Variants in DNAH14 observed in about 807,000 individuals in gnomAD.
DNAH14 encodes axonemal beta dynein heavy chain 14.
DNAH14 carries 478 observed loss-of-function variants against 520.9 expected under a neutral mutation model. The ratio of observed to expected loss-of-function variants is 0.92; its 90% CI spans 0.85 to 0.99. The LOEUF is 0.99. DNAH14 is among the 50% of genes least tolerant of loss of function. DNAH14 has a pLI of 0.00. For missense variants in DNAH14, 4,831 were observed against 5,234.5 expected (o/e 0.92, Z 2.38); for synonymous variants, 1,581 against 1,757.2 (o/e 0.90, Z 2.51).
chr1:225,274,221 T>C (rs2093402023), intron 52 of DNAH14, among the ~76,000 whole-genome samples: 2 of 140,370 alleles, frequency 1.4e-5, no homozygotes, highest in African/African-American at 5.7e-5. Flanking sequence ...TTTTTTTTTT[T>C]TGAGACGGAG....
At chr1:225,271,268 A>G (rs2093308523) in intron 50 of DNAH14, among the ~76,000 whole-genome samples, 1 of 152,226 alleles carries the variant, frequency 6.6e-6, no homozygotes, top group Non-Finnish European at 1.5e-5. Flanking sequence ...CAGTTGGCAT[A>G]CAGGTAGACT....
Position 225,252,309 on chromosome 1 carries a change from C to A in DNAH14, c.6757C>A (p.Leu2253Ile), listed in dbSNP as rs376690622. The stretch of plus-strand genomic sequence containing the variant: ...ATTATTTTCGGTTGTAGGCATCAAC[C>A]TACCAACTGGTGAATGTTCCATCTT... ...FGNSSQVGIN[L>I]PTGECSIFGY... is the part of the protein sequence containing the mutation. The change falls in exon 44 of 86, where the codon CTA becomes ATA. Residue 2253 changes from leucine to isoleucine, a missense_variant. Leu to Ile is a conservative substitution (Grantham distance 5). Coordinates refer to ENST00000682510, the MANE Select transcript of DNAH14 (RefSeq NM_001367479.1). 1.4e-4 allele frequency: 219 copies of A among 1,544,770 alleles called. 1 individual carries two copies. In the African/African-American group the frequency reaches 2.6e-3, roughly 19 times the overall value.
At chr1:225,126,485 T>A (rs111901604) in intron 27 of DNAH14, among the ~76,000 whole-genome samples, 11,104 of 152,258 alleles carry the variant, frequency 0.073, 633 homozygotes, top group East Asian at 0.24. Context: ...ATTTTCTAGT[T>A]TATTTGCATA....
At chr1:225,004,258 AGT>A (rs1177063349) in intron 9 of DNAH14, among the ~76,000 whole-genome samples, 1 of 152,180 alleles carries the variant, frequency 6.6e-6, no homozygotes, top group African/African-American at 2.4e-5. Flanking sequence ...TTCTAGAGAT[AGT>A]TTCTTTGTTA....
intron 80 of DNAH14, 30 bp downstream of exon 80, chr1:225,380,352 T>C (rs1558581967): frequency 2.5e-5 from 38 of 1,533,798 alleles, no homozygotes; most frequent in Non-Finnish European, 3.1e-5. Flanking sequence ...TTTTTCCCCT[T>C]ACCTCACTCT....
chr1:225,129,257 G>A (rs1316406007), intron 27 of DNAH14, among the ~76,000 whole-genome samples: 1 of 152,044 alleles, frequency 6.6e-6, no homozygotes, highest in Non-Finnish European at 1.5e-5. Flanking sequence ...GTAATTTATA[G>A]ATTCAATGCC....
chr1:225,194,413 G>GA (rs2085857130), intron 38 of DNAH14, among the ~76,000 whole-genome samples: 1 of 151,732 alleles, frequency 6.6e-6, no homozygotes, highest in African/African-American at 2.4e-5. Context: ...GCCAAAGTTT[G>GA]AAAAAATAAG....
At chr1:225,152,139 A>T in intron 32 of DNAH14, 66 bp downstream of exon 32, 2 of 1,377,786 alleles carry the variant, frequency 1.5e-6, no homozygotes, top group Non-Finnish European at 2.0e-6. Context: ...TCTTATCTAC[A>T]GATGGAGTTG....
intron 10 of DNAH14, among the ~76,000 whole-genome samples, chr1:225,014,442 T>C (rs1215298109): frequency 1.3e-5 from 2 of 152,132 alleles, no homozygotes; most frequent in African/African-American, 4.8e-5. Context: ...ATGTAGGCAC[T>C]TATTGCTATA....
chr1:225,080,804 GGAC>G, intron 19 of DNAH14, 56 bp downstream of exon 19: 1 of 1,454,644 alleles, frequency 6.9e-7, no homozygotes. Context: ...AATGGCCTTT[GGAC>G]ATCAAGAGCA....
intron 28 of DNAH14, among the ~76,000 whole-genome samples, chr1:225,141,467 C>T (rs556000456): frequency 1.6e-5 from 2 of 124,732 alleles, no homozygotes; most frequent in East Asian, 2.5e-4. Flanking sequence ...TATACGTATC[C>T]TCTGTTTGGG....
chr1:225,266,569 TA>T, intron 48 of DNAH14, 71 bp from the exon 49 acceptor site: 3 of 1,200,250 alleles, frequency 2.5e-6, no homozygotes, highest in Non-Finnish European at 3.3e-6. Flanking sequence ...ACCCCAACCA[TA>T]ATATTCCTAA....
intron 84 of DNAH14, chr1:225,396,946 G>A (rs2150911095): frequency 6.6e-6 from 1 of 152,042 alleles, no homozygotes; most frequent in East Asian, 1.9e-4. Context: ...AGGAAAATTT[G>A]CATTTATATA....
intron 5 of DNAH14, 106 bp downstream of exon 5, chr1:224,964,715 A>C (rs972785952): frequency 1.3e-4 from 132 of 988,214 alleles, no homozygotes; most frequent in South Asian, 3.8e-4. Context: ...ACATTACATT[A>C]ATATCAAGTT....
At chr1:224,953,580 G>C (rs192532657) in intron 2 of DNAH14, among the ~76,000 whole-genome samples, 1 of 152,236 alleles carries the variant, frequency 6.6e-6, no homozygotes, top group East Asian at 1.9e-4. Flanking sequence ...ACTAAGAAGT[G>C]TGCTGTAGAA....
At chr1:225,155,850 CTTTAT>C (rs934452101) in intron 34 of DNAH14, among the ~76,000 whole-genome samples, 21 of 152,108 alleles carry the variant, frequency 1.4e-4, no homozygotes, top group Admixed American at 2.6e-4. Flanking sequence ...TTCTGTGGTG[CTTTAT>C]TTTAAGAGGA....
chr1:225,047,073 A>G (rs998774005), intron 15 of DNAH14, among the ~76,000 whole-genome samples: 3 of 152,206 alleles, frequency 2.0e-5, no homozygotes, highest in Non-Finnish European at 4.4e-5. Context: ...TCATTGCTAC[A>G]GGAGTGTCAC....
chr1:225,106,775 A>G (rs1338964020), intron 23 of DNAH14, among the ~76,000 whole-genome samples: 1 of 151,918 alleles, frequency 6.6e-6, no homozygotes, highest in Non-Finnish European at 1.5e-5. Flanking sequence ...CTAGTTAGCC[A>G]TTCATCTAAT....
rs115648990 is a variant in DNAH14 at position 224,952,359 on chromosome 1, T to C, written c.-33-311T>C. ...GATAATTTCCCCTAAGAAAATAATCTTAAAACTTATCATTATCTTTAGCAT... is the reference window on the plus strand; with the variant it reads ...GATAATTTCCCCTAAGAAAATAATCCTAAAACTTATCATTATCTTTAGCAT... On this transcript the variant is annotated intron_variant, in intron 1 of 85. Transcript: ENST00000682510. Among the ~76,000 whole-genome samples, 716 of 152,292 alleles carry C rather than the reference T, an allele frequency of 4.7e-3. 4 individuals carry two copies. Among genetic ancestry groups the C allele is most frequent in the African/African-American group, 0.016 (672 of 41,558 alleles).
Sources: gnomAD v4.1 joint callset for allele counts (sites outside exome capture counted in the v4.1 genomes callset) on GRCh38, gnomAD v4.1.1 for gene constraint, MANE v1.5 for transcripts, NCBI Gene and HGNC (gene_info 2026-07-23, HGNC 2026-07-21) for gene names.